Variants in APOBEC1 observed in about 807,000 individuals in gnomAD.
APOBEC1 encodes apolipoprotein B mRNA editing enzyme catalytic subunit 1.
Under a neutral mutation model 26.3 loss-of-function variants are expected in APOBEC1, and 22 were observed. The ratio of observed to expected loss-of-function variants is 0.84; its 90% CI spans 0.60 to 1.19. The LOEUF (loss-of-function observed/expected upper bound fraction) is 1.19, where lower values mean the gene tolerates loss of function less well. Among genes scored for constraint, APOBEC1 ranks in the 50% most tolerant of loss-of-function variants. APOBEC1 has a pLI of 0.00. For missense variants in APOBEC1, 253 were observed against 289.0 expected (o/e 0.88, Z 0.90); for synonymous variants, 77 against 95.3 (o/e 0.81, Z 1.12).
chr12:7,651,384 G>C (rs190450394), intron 3 of APOBEC1, among the ~76,000 whole-genome samples: 1 of 152,122 alleles, frequency 6.6e-6, no homozygotes, highest in Admixed American at 6.5e-5. Context: ...GGGAGGCCGA[G>C]GGGGGTGGAT....
At chr12:7,650,784 C>T (rs1044341936) in intron 4 of APOBEC1, among the ~76,000 whole-genome samples, 2 of 152,170 alleles carry the variant, frequency 1.3e-5, no homozygotes, top group South Asian at 2.1e-4. Context: ...AGCATATTGG[C>T]GTGATCATAG....
chr12:7,662,791 G>A (rs1335365851), intron 1 of APOBEC1, among the ~76,000 whole-genome samples: 7 of 152,120 alleles, frequency 4.6e-5, no homozygotes, highest in East Asian at 1.9e-4. Flanking sequence ...AGGTGCAAAC[G>A]ACCTGAAGTG....
upstream of APOBEC1, among the ~76,000 whole-genome samples, chr12:7,668,914 T>C (rs1356113583): frequency 6.6e-6 from 1 of 152,122 alleles, no homozygotes; most frequent in Non-Finnish European, 1.5e-5. Context: ...GTACTTTTAG[T>C]AGAGATGAGG....
At chr12:7,669,311 T>A (rs908963618), upstream of APOBEC1, among the ~76,000 whole-genome samples, 28 of 152,164 alleles carry the variant, frequency 1.8e-4, 1 homozygote, top group African/African-American at 6.5e-4. Flanking sequence ...TCGGTCTACA[T>A]GATTAGGTGT....
At chr12:7,650,965 A>G in intron 4 of APOBEC1, 58 bp downstream of exon 4, 1 of 1,262,226 alleles carries the variant, frequency 7.9e-7, no homozygotes, top group East Asian at 2.3e-5. Flanking sequence ...CTCAGGAAAG[A>G]CCTTTGAAGA....
intron 1 of APOBEC1, among the ~76,000 whole-genome samples, chr12:7,662,559 G>A (rs1044663277): frequency 1.3e-5 from 2 of 152,122 alleles, no homozygotes; most frequent in Admixed American, 6.5e-5. Context: ...CTCTAGCCTG[G>A]GCGACAGAGC....
chr12:7,653,722 T>C (rs1230371708), intron 2 of APOBEC1, among the ~76,000 whole-genome samples: 1 of 152,204 alleles, frequency 6.6e-6, no homozygotes, highest in Non-Finnish European at 1.5e-5. Flanking sequence ...TTCTCAAGTG[T>C]TGACGCCTCA....
chr12:7,655,444 G>T (rs1169755817), intron 1 of APOBEC1, among the ~76,000 whole-genome samples: 1 of 151,518 alleles, frequency 6.6e-6, no homozygotes, highest in African/African-American at 2.4e-5. Flanking sequence ...GAACCCAGGA[G>T]GTGGAGGTTG....
At position 7,660,375 on chromosome 12, in the gene APOBEC1, GGAAA is replaced by G. The variant is rs1555094885; in HGVS notation, c.16+5478_16+5481del. 2.1e-3 allele frequency among the ~76,000 whole-genome samples: 50 copies of G among 23,970 alleles called. 2 individuals are homozygous for G. The highest frequency in any genetic ancestry group is 6.8e-3 in the South Asian group (4 of 588). The allele number at this position is 23,970 out of a possible 152,430, so 15.7% of individuals were successfully genotyped here. On this transcript the variant is annotated intron_variant, in intron 1 of 4. Coordinates refer to ENST00000229304, the MANE Select transcript of APOBEC1 (RefSeq NM_001644.5). ...AGGAAGGAAGGAAGGAAGGAAGGAA[GGAAA>G]GAAAGAAAGAAAGAAAGAAAGAAAG...
At chr12:7,660,945 G>A (rs746383382) in intron 1 of APOBEC1, among the ~76,000 whole-genome samples, 6 of 150,500 alleles carry the variant, frequency 4.0e-5, no homozygotes, top group Non-Finnish European at 8.8e-5. Flanking sequence ...TCTAATCCCA[G>A]CACTTTGGGA....
chr12:7,651,030 A>G lies in APOBEC1; in HGVS notation c.554T>C (p.Ile185Thr). The change falls in exon 4 of 5, where the codon ATA becomes ACA. Residue 185 changes from isoleucine to threonine, a missense_variant. By Grantham distance (89) the Ile-to-Thr change is moderately conservative. Transcript: ENST00000229304. ...GTCCCTAAAGTGACTTACTAGAATT[A>G]TGCAGTGCAGCTCCAGTGCGTACAA... ...MMLYALELHC[I>T]ILSLPPCLKI... The G allele has an allele frequency of 1.2e-6, 2 of 1,608,892 alleles. No individual in the cohort carries two copies. Among genetic ancestry groups the G allele is most frequent in the Non-Finnish European group, 1.7e-6 (2 of 1,175,558 alleles).
chr12:7,665,736 A>G, intron 1 of APOBEC1, 121 bp downstream of exon 1: 2 of 1,095,362 alleles, frequency 1.8e-6, no homozygotes, highest in South Asian at 1.3e-5. Flanking sequence ...ACACCCACAG[A>G]TGCAAGAATC....
Position 7,664,893 on chromosome 12 carries a change from C to A in APOBEC1, c.16+964G>T, listed in dbSNP as rs371146835. 3.5e-4 allele frequency among the ~76,000 whole-genome samples: 46 copies of A among 133,324 alleles called. 1 individual carries two copies. In the East Asian group the frequency reaches 4.4e-3, roughly 13 times the overall value. The allele number at this position is 133,324 out of a possible 152,430, so 87.5% of individuals were successfully genotyped here. A position where few individuals can be genotyped will look rare whatever the true frequency, so the allele number is the denominator to read the frequency against. ...CTGTACTCCAGCCTAGGCAACAGGG[C>A]GAGTCTTAAAAAAAAAAAAAAAAAA... is the stretch of plus-strand genomic sequence containing the variant. On this transcript the variant is annotated intron_variant, in intron 1 of 4. Transcript: ENST00000229304.
chr12:7,663,515 T>G (rs1407268251), intron 1 of APOBEC1, among the ~76,000 whole-genome samples: 1 of 152,136 alleles, frequency 6.6e-6, no homozygotes, highest in Non-Finnish European at 1.5e-5. Flanking sequence ...TTCTCAGATC[T>G]TAGTGCAAAT....
chr12:7,650,407 C>T (rs1232234003), intron 4 of APOBEC1, among the ~76,000 whole-genome samples: 5 of 151,862 alleles, frequency 3.3e-5, no homozygotes, highest in African/African-American at 7.3e-5. Flanking sequence ...GGCAACACAG[C>T]GAGACCCTGT....
At chr12:7,659,872 G>A (rs1364924023) in intron 1 of APOBEC1, among the ~76,000 whole-genome samples, 4 of 152,138 alleles carry the variant, frequency 2.6e-5, no homozygotes, top group African/African-American at 9.7e-5. Flanking sequence ...GGGAGGCTGA[G>A]GCAGGAGAAT....
intron 2 of APOBEC1, among the ~76,000 whole-genome samples, chr12:7,654,117 A>C (rs139272234): frequency 1.5e-3 from 227 of 152,338 alleles, no homozygotes; most frequent in African/African-American, 5.1e-3. Context: ...ATGAAGTTAA[A>C]GTGACAAATG....
At chr12:7,658,971 A>AAT (rs1863756548) in intron 1 of APOBEC1, among the ~76,000 whole-genome samples, 1 of 141,222 alleles carries the variant, frequency 7.1e-6, no homozygotes. Context: ...AAAAAAAAAA[A>AAT]GCACTTCCAC....
At chr12:7,664,102 G>A (rs1320631547) in intron 1 of APOBEC1, among the ~76,000 whole-genome samples, 2 of 152,100 alleles carry the variant, frequency 1.3e-5, no homozygotes, top group African/African-American at 4.8e-5. Flanking sequence ...TGATCCGCCT[G>A]CCTTGACCTC....
Sources: gnomAD v4.1 joint callset for allele counts (sites outside exome capture counted in the v4.1 genomes callset) on GRCh38, gnomAD v4.1.1 for gene constraint, MANE v1.5 for transcripts, NCBI Gene and HGNC (gene_info 2026-07-23, HGNC 2026-07-21) for gene names.